The following FDFT1 variants were observed in gnomAD, a reference collection of about 807,000 sequenced individuals.
The protein encoded by FDFT1 is squalene synthase.
In FDFT1, 68 loss-of-function variants were observed where a neutral mutation model predicts 46.8. That is an observed-to-expected ratio of 1.45 (90% CI 1.19 to 1.78). FDFT1 has a LOEUF of 1.78. Ranked by LOEUF, FDFT1 falls within the 40% of genes most tolerant of loss-of-function variation. FDFT1 has a pLI of 0.00. For missense variants in FDFT1, 928 were observed against 524.4 expected (o/e 1.77, Z -7.52); for synonymous variants, 351 against 185.1 (o/e 1.90, Z -7.28).
chr8:11,808,777 G>C lies in FDFT1; in HGVS notation c.100-17G>C. On this transcript the variant is annotated splice_polypyrimidine_tract_variant and intron_variant, in intron 1 of 7. Coordinates refer to ENST00000220584, the MANE Select transcript of FDFT1 (RefSeq NM_004462.5). ...TCCTCGACGTCTCCCACCGCCGTGT[G>C]TGTTGTCTGCCCGCAGGACTCGCTC... The C allele has an allele frequency of 6.2e-7, 1 of 1,609,978 alleles. No individual in the cohort carries two copies. The highest frequency in any genetic ancestry group is 8.5e-7 in the Non-Finnish European group (1 of 1,178,270).
intron 7 of FDFT1, among the ~76,000 whole-genome samples, chr8:11,834,532 C>G (rs1037999419): frequency 1.2e-4 from 19 of 152,258 alleles, no homozygotes; most frequent in African/African-American, 4.3e-4. Flanking sequence ...AGGATGGTCC[C>G]CAGCCAGCAG....
chr8:11,835,116 C>T (rs1811360892), intron 7 of FDFT1, among the ~76,000 whole-genome samples: 2 of 152,168 alleles, frequency 1.3e-5, no homozygotes, highest in African/African-American at 4.8e-5. Flanking sequence ...AGGGTGAAGG[C>T]CCTTTCTCAA....
chr8:11,812,294 C>G (rs184006470), intron 3 of FDFT1, among the ~76,000 whole-genome samples: 1 of 152,360 alleles, frequency 6.6e-6, no homozygotes, highest in Non-Finnish European at 1.5e-5. Flanking sequence ...TTCCTAAGGT[C>G]AGTCCATCTC....
intron 5 of FDFT1, among the ~76,000 whole-genome samples, chr8:11,826,674 G>T (rs1228047289): frequency 6.6e-6 from 1 of 152,132 alleles, no homozygotes; most frequent in Non-Finnish European, 1.5e-5. Context: ...AATTAGCCGG[G>T]CGTGGTGGCA....
In FDFT1 at chr8:11,810,130, G is replaced by A. The variant is rs193057964; in HGVS notation, c.381+280G>A. Among the ~76,000 whole-genome samples the A allele has an allele frequency of 5.2e-3, 785 of 152,242 alleles. 2 individuals are homozygous for A. Among genetic ancestry groups the A allele is most frequent in the Non-Finnish European group, 6.8e-3 (461 of 68,006 alleles). On this transcript the variant is annotated intron_variant, in intron 3 of 7. Transcript: ENST00000220584. The stretch of plus-strand genomic sequence containing the variant: ...GGGTAATAATAACACCTACCTCATG[G>A]TATTCTGAGGATTCAAAGAATTAAC...
At chr8:11,823,567 T>G (rs1809549437) in intron 4 of FDFT1, among the ~76,000 whole-genome samples, 1 of 151,956 alleles carries the variant, frequency 6.6e-6, no homozygotes, top group Admixed American at 6.6e-5. Flanking sequence ...TGTATTACTT[T>G]CAGTCAGAGA....
At chr8:11,808,720 ACTCCC>A (rs2130716666) in intron 1 of FDFT1, 69 bp from the exon 2 acceptor site, 1 of 1,459,156 alleles carries the variant, frequency 6.9e-7, no homozygotes, top group South Asian at 1.2e-5. Context: ...TCCCACTCCC[ACTCCC>A]ACTCCCACTC....
chr8:11,798,202 G>A (rs1189403407), upstream of FDFT1: 1 of 152,212 alleles, frequency 6.6e-6, no homozygotes, highest in African/African-American at 2.4e-5. Flanking sequence ...TGGGATTACA[G>A]GCACCCACAA....
At chr8:11,838,329 G>A (rs1249533788) in intron 7 of FDFT1, 59 bp from the exon 8 acceptor site, 17 of 1,332,088 alleles carry the variant, frequency 1.3e-5, no homozygotes, top group Non-Finnish European at 1.8e-5. Flanking sequence ...GTTGTTGTAA[G>A]TAGCCATGGA....
intron 3 of FDFT1, among the ~76,000 whole-genome samples, chr8:11,821,324 G>A (rs1012445663): frequency 6.6e-6 from 1 of 152,214 alleles, no homozygotes; most frequent in Non-Finnish European, 1.5e-5. Context: ...CGGGCTCAGT[G>A]GCTTATGCCT....
intron 1 of FDFT1, among the ~76,000 whole-genome samples, chr8:11,805,114 G>A (rs543314824): frequency 1.3e-5 from 2 of 151,620 alleles, no homozygotes; most frequent in East Asian, 1.9e-4. Flanking sequence ...ACAATGTCTC[G>A]CTGCATTGCC....
chr8:11,828,159 AC>A (rs1810271974), intron 5 of FDFT1, among the ~76,000 whole-genome samples: 1 of 151,934 alleles, frequency 6.6e-6, no homozygotes, highest in South Asian at 2.1e-4. Flanking sequence ...ATAGTGGCAC[AC>A]CCCTATAGTT....
intron 1 of FDFT1, among the ~76,000 whole-genome samples, chr8:11,804,713 TCTC>T (rs1238878199): frequency 6.8e-6 from 1 of 146,152 alleles, no homozygotes; most frequent in Non-Finnish European, 1.5e-5. Flanking sequence ...TTCAAGCAAT[TCTC>T]CTGCCTCAGC....
At chr8:11,824,155 C>T (rs1809642267) in intron 4 of FDFT1, among the ~76,000 whole-genome samples, 1 of 152,134 alleles carries the variant, frequency 6.6e-6, no homozygotes, top group South Asian at 2.1e-4. Flanking sequence ...GAACTTCGGT[C>T]ATTTCCTAAC....
At chr8:11,832,959 A>G (rs1007160024) in intron 7 of FDFT1, among the ~76,000 whole-genome samples, 1 of 152,188 alleles carries the variant, frequency 6.6e-6, no homozygotes, top group Non-Finnish European at 1.5e-5. Flanking sequence ...TTTCATCTAA[A>G]TAGAATTATA....
chr8:11,825,316 C>T (rs1213950548), intron 4 of FDFT1, among the ~76,000 whole-genome samples: 2 of 151,960 alleles, frequency 1.3e-5, no homozygotes, highest in Non-Finnish European at 2.9e-5. Context: ...CCAAGGCTGG[C>T]AGATCAGTTG....
chr8:11,828,676 G>A (rs1372444585), intron 5 of FDFT1, among the ~76,000 whole-genome samples: 2 of 152,180 alleles, frequency 1.3e-5, no homozygotes, highest in African/African-American at 2.4e-5. Flanking sequence ...TCTACCACAC[G>A]GTGGTGGTGT....
intron 3 of FDFT1, among the ~76,000 whole-genome samples, chr8:11,821,011 G>T (rs1310528445): frequency 6.6e-6 from 1 of 152,312 alleles, no homozygotes; most frequent in East Asian, 1.9e-4. Context: ...AAGCAACTCT[G>T]GGTCTGAGTT....
Position 11,809,795 on chromosome 8 carries a change from G to T in FDFT1, c.326G>T (p.Trp109Leu). 6.2e-7 allele frequency: 1 copy of T among 1,614,170 alleles called. No homozygotes were observed. Among genetic ancestry groups the T allele is most frequent in the Non-Finnish European group, 8.5e-7 (1 of 1,180,022 alleles). The change falls in exon 3 of 8, where the codon TGG becomes TTG. Residue 109 changes from tryptophan to leucine, a missense_variant. Trp to Leu is a moderately conservative substitution (Grantham distance 61). Transcript: ENST00000220584. ...NFHSFLYQPD[W>L]RFMESKEKDR... Reference sequence around the variant, plus strand: ...CACTCTTTCCTTTACCAACCAGACTGGCGGTTCATGGAGAGCAAGGAGAAG... The same window carrying T: ...CACTCTTTCCTTTACCAACCAGACTTGCGGTTCATGGAGAGCAAGGAGAAG...
Sources: gnomAD v4.1 joint callset for allele counts (sites outside exome capture counted in the v4.1 genomes callset) on GRCh38, gnomAD v4.1.1 for gene constraint, MANE v1.5 for transcripts, NCBI Gene and HGNC (gene_info 2026-07-23, HGNC 2026-07-21) for gene names.